Variants in PLPPR1 observed in about 807,000 individuals in gnomAD.
The protein encoded by PLPPR1 is phospholipid phosphatase related 1, also known as phospholipid phosphatase-related protein type 1.
PLPPR1 carries 10 observed loss-of-function variants against 33.1 expected under a neutral mutation model. The ratio of observed to expected loss-of-function variants is 0.30; its 90% CI spans 0.19 to 0.51. PLPPR1 has a LOEUF of 0.51. PLPPR1 is among the 20% of genes least tolerant of loss of function. The pLI is 0.97. For missense variants in PLPPR1, 304 were observed against 408.1 expected (o/e 0.74, Z 2.20); for synonymous variants, 151 against 151.0 (o/e 1.00, Z 0.00).
intron 1 of PLPPR1, among the ~76,000 whole-genome samples, chr9:101,071,605 G>GGAGAGAGA (rs3080736): frequency 0.025 from 3,767 of 149,068 alleles, 81 homozygotes; most frequent in East Asian, 0.076. Context: ...GGAGTGAGAA[G>GGAGAGAGA]GAGAGAGAGA....
At chr9:101,134,000 T>C (rs1325140527) in intron 1 of PLPPR1, among the ~76,000 whole-genome samples, 1 of 152,206 alleles carries the variant, frequency 6.6e-6, no homozygotes, top group Non-Finnish European at 1.5e-5. Context: ...CACAAGGCAC[T>C]TGGCGCATAG....
intron 1 of PLPPR1, among the ~76,000 whole-genome samples, chr9:101,127,815 C>A (rs2118606188): frequency 6.6e-6 from 1 of 152,282 alleles, no homozygotes; most frequent in East Asian, 1.9e-4. Context: ...TTATGTCAGA[C>A]ATGCAAGCCT....
intron 1 of PLPPR1, among the ~76,000 whole-genome samples, chr9:101,153,550 A>G (rs190042642): frequency 5.7e-4 from 87 of 152,154 alleles, no homozygotes; most frequent in Non-Finnish European, 7.9e-4. Flanking sequence ...AGCTCTTATT[A>G]TTTTGAGATA....
Position 101,100,697 on chromosome 9 carries a change from CGTGTGTGTGTGTGTGT to C in PLPPR1, c.-46+71616_-46+71631del, listed in dbSNP as rs56760066. Among the ~76,000 whole-genome samples, 5 of 146,940 alleles carry C rather than the reference CGTGTGTGTGTGTGTGT, an allele frequency of 3.4e-5. No individual in the cohort carries two copies. In the South Asian group the frequency reaches 8.8e-4, roughly 26 times the overall value. On this transcript the variant is annotated intron_variant, in intron 1 of 7. Coordinates refer to ENST00000374874, the MANE Select transcript of PLPPR1 (RefSeq NM_207299.2). ...ATCAGAAACTATTTACTCTTTGTTC[CGTGTGTGTGTGTGTGT>C]GTGTGTGTGTGTGTGTGTGTTGTGT...
intron 3 of PLPPR1, among the ~76,000 whole-genome samples, chr9:101,280,819 T>C (rs1211281044): frequency 6.6e-6 from 1 of 152,094 alleles, no homozygotes; most frequent in African/African-American, 2.4e-5. Flanking sequence ...AGTAACATAC[T>C]GAATGGGCAA....
chr9:101,034,820 C>T (rs182682137), intron 1 of PLPPR1, among the ~76,000 whole-genome samples: 186 of 149,016 alleles, frequency 1.2e-3, no homozygotes, highest in Non-Finnish European at 1.9e-3. Context: ...AATTTGGGGG[C>T]GGGGGGGTTG....
At chr9:101,175,904 A>G (rs1199801888) in intron 1 of PLPPR1, among the ~76,000 whole-genome samples, 1 of 152,200 alleles carries the variant, frequency 6.6e-6, no homozygotes, top group Non-Finnish European at 1.5e-5. Context: ...ACAACTAGAA[A>G]GCTTGGATGC....
chr9:101,183,953 C>T (rs1001763768), intron 1 of PLPPR1, among the ~76,000 whole-genome samples: 15 of 151,764 alleles, frequency 9.9e-5, no homozygotes, highest in African/African-American at 3.4e-4. Flanking sequence ...AGATATACAA[C>T]ACTGTATTTG....
In PLPPR1 at chr9:101,322,363, G is replaced by A. The variant is rs565118538; in HGVS notation, c.946-1662G>A. The A allele has an allele frequency of 9.4e-4, 143 of 152,066 alleles. 1 individual carries two copies. The highest frequency in any genetic ancestry group is 3.3e-3 in the African/African-American group (137 of 41,508). The allele number at this position is 152,066 out of a possible 1,614,324, so 9.4% of individuals were successfully genotyped here. On this transcript the variant is annotated intron_variant, in intron 7 of 7. Transcript: ENST00000374874. ...AAGACTTTAGGTTTGCAAGAAGTGG[G>A]AGGTTATATATATATATATTTTGTT...
chr9:101,132,371 T>C (rs999675248), intron 1 of PLPPR1, among the ~76,000 whole-genome samples: 6 of 152,026 alleles, frequency 3.9e-5, no homozygotes, highest in Admixed American at 3.9e-4. Flanking sequence ...GACATGAAAA[T>C]TAAAGTGCAT....
intron 1 of PLPPR1, among the ~76,000 whole-genome samples, chr9:101,135,223 T>C (rs1020922176): frequency 1.4e-4 from 22 of 152,168 alleles, no homozygotes; most frequent in African/African-American, 5.3e-4. Context: ...CCACACCATA[T>C]TCCCTAAAGC....
intron 1 of PLPPR1, among the ~76,000 whole-genome samples, chr9:101,172,994 G>T (rs1825967016): frequency 6.6e-6 from 1 of 151,922 alleles, no homozygotes; most frequent in African/African-American, 2.4e-5. Flanking sequence ...TATCTTGGCT[G>T]GAAGCAAAAT....
chr9:101,296,417 A>C (rs1828639848), intron 4 of PLPPR1, among the ~76,000 whole-genome samples: 1 of 151,484 alleles, frequency 6.6e-6, no homozygotes, highest in Non-Finnish European at 1.5e-5. Context: ...TAGTACTAGA[A>C]ATACCATTTG....
At chr9:101,113,338 A>C (rs981772834) in intron 1 of PLPPR1, among the ~76,000 whole-genome samples, 2 of 152,070 alleles carry the variant, frequency 1.3e-5, no homozygotes, top group African/African-American at 2.4e-5. Context: ...GTTTTTGTAC[A>C]TTTATGCCTT....
chr9:101,209,735 G>A (rs960981321), intron 2 of PLPPR1, among the ~76,000 whole-genome samples: 11 of 152,138 alleles, frequency 7.2e-5, no homozygotes, highest in Non-Finnish European at 1.0e-4. Context: ...TGACTATTCC[G>A]GGTTTGTTCA....
At chr9:101,130,939 G>T (rs189538484) in intron 1 of PLPPR1, among the ~76,000 whole-genome samples, 1 of 152,264 alleles carries the variant, frequency 6.6e-6, no homozygotes, top group African/African-American at 2.4e-5. Context: ...GCCCTGGACA[G>T]GTTATTAAAC....
intron 4 of PLPPR1, among the ~76,000 whole-genome samples, chr9:101,287,900 G>A (rs1367756138): frequency 2.0e-5 from 3 of 152,104 alleles, no homozygotes; most frequent in Admixed American, 6.6e-5. Context: ...GCACACACAC[G>A]TACATAATTT....
At chr9:101,157,783 CTT>C (rs1831715664) in intron 1 of PLPPR1, among the ~76,000 whole-genome samples, 1 of 152,026 alleles carries the variant, frequency 6.6e-6, no homozygotes, top group Non-Finnish European at 1.5e-5. Flanking sequence ...GGGTGGATCA[CTT>C]GAGGCTGGGA....
chr9:101,100,682 A>C (rs1374627185), intron 1 of PLPPR1, among the ~76,000 whole-genome samples: 1 of 144,666 alleles, frequency 6.9e-6, no homozygotes, highest in African/African-American at 2.6e-5. Flanking sequence ...ATCAGAAACT[A>C]TTTACTCTTT....
Sources: gnomAD v4.1 joint callset for allele counts (sites outside exome capture counted in the v4.1 genomes callset) on GRCh38, gnomAD v4.1.1 for gene constraint, MANE v1.5 for transcripts, NCBI Gene and HGNC (gene_info 2026-07-23, HGNC 2026-07-21) for gene names.